The following TMOD2 variants were observed in gnomAD, a reference collection of about 807,000 sequenced individuals.
TMOD2 encodes the protein tropomodulin-2.
A neutral mutation model predicts 39.9 loss-of-function variants in TMOD2; 22 were observed. The ratio of observed to expected loss-of-function variants is 0.55; its 90% CI spans 0.39 to 0.79. The LOEUF is 0.79. TMOD2 is among the 30% of genes least tolerant of loss of function. The pLI, the probability that TMOD2 is intolerant of heterozygous loss-of-function variation, is 0.00. For missense variants in TMOD2, 386 were observed against 413.3 expected, an observed-to-expected ratio of 0.93 and a Z score of 0.57; for synonymous variants, 123 against 146.1, an observed-to-expected ratio of 0.84 and a Z score of 1.14.
intron 1 of TMOD2, among the ~76,000 whole-genome samples, chr15:51,761,570 G>GAA (rs11446560): frequency 2.0e-5 from 3 of 150,400 alleles, no homozygotes; most frequent in African/African-American, 2.4e-5. Flanking sequence ...CTGCAAAAAA[G>GAA]AAAAAAAAAT....
intron 8 of TMOD2, among the ~76,000 whole-genome samples, chr15:51,802,392 T>A (rs1253586121): frequency 1.3e-5 from 2 of 152,224 alleles, no homozygotes; most frequent in South Asian, 2.1e-4. Flanking sequence ...AAATTACAGT[T>A]GACGTCTATA....
intron 1 of TMOD2, among the ~76,000 whole-genome samples, chr15:51,764,570 G>A (rs1019578120): frequency 6.6e-6 from 1 of 152,132 alleles, no homozygotes; most frequent in Non-Finnish European, 1.5e-5. Flanking sequence ...ACTTTAAGAA[G>A]CTGTGGTGGC....
At chr15:51,757,062 G>A (rs927077462) in intron 1 of TMOD2, among the ~76,000 whole-genome samples, 7 of 152,092 alleles carry the variant, frequency 4.6e-5, no homozygotes, top group Non-Finnish European at 1.5e-5. Flanking sequence ...GGTGCAAATC[G>A]GTGCACTAAT....
intron 7 of TMOD2, among the ~76,000 whole-genome samples, chr15:51,796,486 T>A (rs1289665367): frequency 3.3e-5 from 5 of 152,146 alleles, no homozygotes; most frequent in Non-Finnish European, 7.4e-5. Flanking sequence ...GACTTCATTC[T>A]GGGAGGGGCA....
rs1019663005 is a variant in TMOD2 at position 51,804,580 on chromosome 15, G to T, written c.877-1797G>T. ...GTTTTGTTTTGTTTTGTTTTGTTTT[G>T]TTTTTTTTTTTGAGATGGAGCCTAC... On this transcript the variant is annotated intron_variant, in intron 8 of 9. Transcript: ENST00000249700. Among the ~76,000 whole-genome samples the T allele has an allele frequency of 2.9e-4, 40 of 136,570 alleles. 1 individual carries two copies. In the East Asian group the frequency reaches 5.7e-3, roughly 19 times the overall value. The allele number at this position is 136,570 out of a possible 152,430, so 89.6% of individuals were successfully genotyped here. A position where few individuals can be genotyped will look rare whatever the true frequency, so the allele number is the denominator to read the frequency against.
chr15:51,754,061 G>A (rs1288669385), intron 1 of TMOD2, among the ~76,000 whole-genome samples: 1 of 151,676 alleles, frequency 6.6e-6, no homozygotes, highest in South Asian at 2.1e-4. Context: ...TGGGGGGGAC[G>A]GGGGGTTGGT....
intron 2 of TMOD2, 49 bp downstream of exon 2, chr15:51,766,616 A>G: frequency 6.3e-7 from 1 of 1,588,984 alleles, no homozygotes; most frequent in Non-Finnish European, 8.6e-7. Flanking sequence ...GTATGGATAA[A>G]TGGCATGGCT....
intron 1 of TMOD2, among the ~76,000 whole-genome samples, chr15:51,759,341 G>A (rs1330829938): frequency 6.6e-6 from 1 of 152,110 alleles, no homozygotes; most frequent in African/African-American, 2.4e-5. Flanking sequence ...TGGAAATATA[G>A]GGGCCTAACC....
At chr15:51,785,052 A>T (rs975995383) in intron 7 of TMOD2, 9 of 152,260 alleles carry the variant, frequency 5.9e-5, no homozygotes, top group African/African-American at 2.2e-4. Context: ...GCACTACACT[A>T]GGAGCTGGAT....
rs1028182535 is a variant in TMOD2 at position 51,812,014 on chromosome 15, A to G, written c.*3560A>G. On this transcript the variant is annotated 3_prime_UTR_variant, in exon 10 of 10. Coordinates refer to ENST00000249700, the MANE Select transcript of TMOD2 (RefSeq NM_014548.4). ...TCCATCTTTGTAGGGCACATTGTAT[A>G]TAAATATTTTGTACATAAAGATCAT... The G allele has an allele frequency of 1.3e-5, 2 of 152,152 alleles. No homozygotes were observed. The highest frequency in any genetic ancestry group is 2.9e-5 in the Non-Finnish European group (2 of 68,036). The allele number at this position is 152,152 out of a possible 1,614,324, so 9.4% of individuals were successfully genotyped here.
intron 1 of TMOD2, among the ~76,000 whole-genome samples, chr15:51,760,894 G>C (rs1350324814): frequency 3.3e-5 from 5 of 152,178 alleles, no homozygotes; most frequent in African/African-American, 1.2e-4. Context: ...GTGAGGAATA[G>C]GAGGAGGACG....
chr15:51,794,946 C>T (rs2056037647), intron 7 of TMOD2, among the ~76,000 whole-genome samples: 1 of 152,128 alleles, frequency 6.6e-6, no homozygotes, highest in South Asian at 2.1e-4. Context: ...AACCTATTAG[C>T]AGCATTTACA....
rs2056178052 is a variant in TMOD2, at chr15:51,814,820, C to G, written c.*6366C>G. The G allele has an allele frequency of 6.6e-6, 1 of 152,214 alleles. No homozygotes were observed. Among genetic ancestry groups the G allele is most frequent in the Non-Finnish European group, 1.5e-5 (1 of 68,068 alleles). 9.4% of individuals were successfully genotyped at this position (152,214 alleles called of 1,614,324 possible). ...GCCTCTGAACATGGGTGAGTAATGC[C>G]TCCACTGCAGCTGTTTCTCTCCAGG... On this transcript the variant is annotated 3_prime_UTR_variant, in exon 10 of 10. Coordinates refer to ENST00000249700, the MANE Select transcript of TMOD2 (RefSeq NM_014548.4).
intron 9 of TMOD2, among the ~76,000 whole-genome samples, chr15:51,807,518 A>G (rs1310910809): frequency 6.6e-6 from 1 of 152,180 alleles, no homozygotes; most frequent in Non-Finnish European, 1.5e-5. Flanking sequence ...ACAGACAGGC[A>G]AATAGGGATT....
At chr15:51,781,605 T>A (rs73407386) in intron 6 of TMOD2, among the ~76,000 whole-genome samples, 5,392 of 152,268 alleles carry the variant, frequency 0.035, 191 homozygotes, top group Admixed American at 0.079. Flanking sequence ...AGTTCCAAGA[T>A]GGCAGATTCA....
intron 5 of TMOD2, among the ~76,000 whole-genome samples, chr15:51,779,546 A>G (rs2055915230): frequency 6.6e-6 from 1 of 151,928 alleles, no homozygotes; most frequent in African/African-American, 2.4e-5. Context: ...ACGCCCGGCT[A>G]ATTTTTTTGT....
At chr15:51,802,593 A>G (rs1023546797) in intron 8 of TMOD2, among the ~76,000 whole-genome samples, 5 of 152,354 alleles carry the variant, frequency 3.3e-5, no homozygotes, top group African/African-American at 1.2e-4. Context: ...TAACACTGCA[A>G]GTTATCCAAG....
intron 9 of TMOD2, among the ~76,000 whole-genome samples, chr15:51,807,877 C>T (rs778116450): frequency 3.3e-5 from 5 of 152,194 alleles, no homozygotes; most frequent in Non-Finnish European, 5.9e-5. Context: ...GCAACTTCTT[C>T]GGTTCTAAAC....
rs956333273 is a variant in TMOD2 at position 51,811,494 on chromosome 15, GA to G, written c.*3041del. On this transcript the variant is annotated 3_prime_UTR_variant, in exon 10 of 10. Coordinates refer to ENST00000249700, the MANE Select transcript of TMOD2 (RefSeq NM_014548.4). Reference sequence around the variant, plus strand: ...ACCAACATCTATTATGGCACATGTAGATGACATTTAGGAGAAAAACCTTAGA... The same window carrying G: ...ACCAACATCTATTATGGCACATGTAGTGACATTTAGGAGAAAAACCTTAGA... 6.6e-6 allele frequency: 1 copy of G among 152,200 alleles called. No homozygotes were observed. The highest frequency in any genetic ancestry group is 1.5e-5 in the Non-Finnish European group (1 of 68,066). 9.4% of individuals were successfully genotyped at this position (152,200 alleles called of 1,614,324 possible).
Sources: allele counts gnomAD v4.1 joint callset (sites outside exome capture counted in the v4.1 genomes callset), GRCh38; gene constraint gnomAD v4.1.1; transcripts MANE v1.5; gene names NCBI Gene and HGNC (gene_info 2026-07-23, HGNC 2026-07-21).